Variants in DLGAP2 observed in about 807,000 individuals in gnomAD.
DLGAP2 encodes the protein disks large-associated protein 2.
DLGAP2 carries 26 observed loss-of-function variants against 100.3 expected under a neutral mutation model. The ratio of observed to expected loss-of-function variants is 0.26; its 90% CI spans 0.19 to 0.36. The LOEUF is 0.36. Among genes scored for constraint, DLGAP2 ranks in the 10% least tolerant of loss-of-function variants. The pLI is 1.00. For synonymous variants in DLGAP2, 886 were observed against 630.1 expected (o/e 1.41, Z -6.08); for missense variants, 1,858 against 1,453.2 (o/e 1.28, Z -4.53).
At chr8:1,639,801 C>T (rs1797854654) in intron 8 of DLGAP2, among the ~76,000 whole-genome samples, 1 of 152,210 alleles carries the variant, frequency 6.6e-6, no homozygotes. Flanking sequence ...TGGCTGCGGG[C>T]CACATGGCTC....
intron 1 of DLGAP2, among the ~76,000 whole-genome samples, chr8:894,188 C>T (rs1378173352): frequency 1.3e-5 from 2 of 152,110 alleles, no homozygotes; most frequent in Non-Finnish European, 2.9e-5. Context: ...TGGGAGACGC[C>T]CCCAGAGCAG....
At chr8:823,443 C>T (rs918929854) in intron 1 of DLGAP2, among the ~76,000 whole-genome samples, 3 of 152,110 alleles carry the variant, frequency 2.0e-5, no homozygotes, top group African/African-American at 7.2e-5. Context: ...CTTATTTGTA[C>T]TGTGAATTAG....
rs1799137817 is a variant in DLGAP2 at position 1,254,888 on chromosome 8, C to CGTGCTGTGTGTGTGCTCTCTCCTGCCCGG, written c.74-3954_74-3953insGTGTGCTCTCTCCTGCCCGGGTGCTGTGT. On this transcript the variant is annotated intron_variant, in intron 2 of 14. Coordinates refer to ENST00000637795, the MANE Select transcript of DLGAP2 (RefSeq NM_001346810.2). Reference sequence around the variant, plus strand: ...CCTCTCATCCTGCCTCTCCTGCCCGCGTGCTGTGTCTGTGCTCTCTCCTGC... The same window carrying CGTGCTGTGTGTGTGCTCTCTCCTGCCCGG: ...CCTCTCATCCTGCCTCTCCTGCCCGCGTGCTGTGTGTGTGCTCTCTCCTGCCCGGGTGCTGTGTCTGTGCTCTCTCCTGC... 3.9e-5 allele frequency among the ~76,000 whole-genome samples: 5 copies of CGTGCTGTGTGTGTGCTCTCTCCTGCCCGG among 128,832 alleles called. 1 individual carries two copies. Among genetic ancestry groups the CGTGCTGTGTGTGTGCTCTCTCCTGCCCGG allele is most frequent in the African/African-American group, 1.8e-4 (5 of 27,644 alleles). 84.5% of individuals were successfully genotyped at this position (128,832 alleles called of 152,430 possible).
In DLGAP2 at chr8:1,515,583, C is replaced by T. The variant is rs542991417; in HGVS notation, c.172+14152C>T. ...GCAGACATGAAAATACAATTGCAGACATGCAAAAATATGCAGACACACGTG... is the reference window on the plus strand; with the variant it reads ...GCAGACATGAAAATACAATTGCAGATATGCAAAAATATGCAGACACACGTG... On this transcript the variant is annotated intron_variant, in intron 4 of 14. Coordinates refer to ENST00000637795, the MANE Select transcript of DLGAP2 (RefSeq NM_001346810.2). 1.1e-4 allele frequency among the ~76,000 whole-genome samples: 16 copies of T among 152,240 alleles called. 1 individual carries two copies. Among genetic ancestry groups the T allele is most frequent in the Non-Finnish European group, 1.5e-4 (10 of 68,014 alleles).
chr8:1,126,858 A>G (rs1796176750), intron 2 of DLGAP2, among the ~76,000 whole-genome samples: 1 of 151,980 alleles, frequency 6.6e-6, no homozygotes, highest in Non-Finnish European at 1.5e-5. Flanking sequence ...GAGGGGCCTC[A>G]CTGGATTGTC....
chr8:1,325,514 A>T (rs1008927283), intron 3 of DLGAP2, among the ~76,000 whole-genome samples: 5 of 152,128 alleles, frequency 3.3e-5, no homozygotes, highest in African/African-American at 1.2e-4. Context: ...TCTGTAAAAA[A>T]CTTTGTACGC....
chr8:1,449,382 G>A (rs1335871513), intron 3 of DLGAP2, among the ~76,000 whole-genome samples: 2 of 152,206 alleles, frequency 1.3e-5, no homozygotes, highest in East Asian at 3.9e-4. Context: ...AATTCTCTCA[G>A]AGTTGTCTTG....
chr8:1,105,371 G>T (rs1474270519), intron 2 of DLGAP2, among the ~76,000 whole-genome samples: 1 of 152,192 alleles, frequency 6.6e-6, no homozygotes, highest in Non-Finnish European at 1.5e-5. Flanking sequence ...CCTGAAGGAG[G>T]AGATAGTGCT....
chr8:1,291,994 G>T (rs1235582285), intron 3 of DLGAP2, among the ~76,000 whole-genome samples: 1 of 152,226 alleles, frequency 6.6e-6, no homozygotes, highest in Non-Finnish European at 1.5e-5. Flanking sequence ...TTTCAATAAA[G>T]ATGTGGAAAG....
chr8:931,548 ATGT>A (rs1798957212), intron 2 of DLGAP2, among the ~76,000 whole-genome samples: 1 of 152,130 alleles, frequency 6.6e-6, no homozygotes, highest in South Asian at 2.1e-4. Flanking sequence ...ACTTGTCATG[ATGT>A]TCTTCCTGCA....
At chr8:836,982 GTTC>G (rs1796890383) in intron 1 of DLGAP2, among the ~76,000 whole-genome samples, 1 of 152,194 alleles carries the variant, frequency 6.6e-6, no homozygotes, top group Non-Finnish European at 1.5e-5. Context: ...GGAAAACAAT[GTTC>G]TTCTCTTACT....
intron 1 of DLGAP2, among the ~76,000 whole-genome samples, chr8:852,912 A>AT (rs140286417): frequency 6.6e-6 from 1 of 152,266 alleles, no homozygotes; most frequent in East Asian, 1.9e-4. Flanking sequence ...TTTCTGCAAC[A>AT]GATTTTGGTA....
Position 1,563,948 on chromosome 8 carries a change from C to A in DLGAP2, c.1231-1735C>A, listed in dbSNP as rs115383633. Among the ~76,000 whole-genome samples, 6 of 152,144 alleles carry A rather than the reference C, an allele frequency of 3.9e-5. No individual in the cohort carries two copies. In the South Asian group the frequency reaches 1.0e-3, roughly 26 times the overall value. Reference sequence around the variant, plus strand: ...TATTTTACAGCAAGGAAAAAAAATACCCTGTCTGAAGACCTTTTAAATATG... The same window carrying A: ...TATTTTACAGCAAGGAAAAAAAATAACCTGTCTGAAGACCTTTTAAATATG... On this transcript the variant is annotated intron_variant, in intron 5 of 14. Transcript: ENST00000637795.
chr8:1,444,305 A>C (rs1423655610), intron 3 of DLGAP2, among the ~76,000 whole-genome samples: 1 of 152,308 alleles, frequency 6.6e-6, no homozygotes, highest in Admixed American at 6.5e-5. Context: ...AACCAACTCC[A>C]TATTAATGGG....
intron 2 of DLGAP2, among the ~76,000 whole-genome samples, chr8:1,239,856 TTC>T (rs1798745098): frequency 4.7e-5 from 3 of 63,546 alleles, no homozygotes; most frequent in African/African-American, 7.1e-5. Context: ...TCATGTCTAG[TTC>T]TCTCTCACAT....
chr8:1,274,881 G>A (rs988886180), intron 3 of DLGAP2, among the ~76,000 whole-genome samples: 36 of 152,028 alleles, frequency 2.4e-4, no homozygotes, highest in African/African-American at 8.5e-4. Context: ...TCCTTCGGTA[G>A]CAATTACTTT....
intron 3 of DLGAP2, among the ~76,000 whole-genome samples, chr8:1,417,159 A>AGGCGGGG (rs1563133699): frequency 7.8e-5 from 6 of 77,224 alleles, no homozygotes; most frequent in East Asian, 4.9e-4. Context: ...ACTCTGAGTG[A>AGGCGGGG]AGGGGAAGCC....
At chr8:1,178,025 C>T (rs548508255) in intron 2 of DLGAP2, among the ~76,000 whole-genome samples, 5 of 152,272 alleles carry the variant, frequency 3.3e-5, no homozygotes, top group Non-Finnish European at 2.9e-5. Flanking sequence ...TGAAGGGATT[C>T]GGCCATGGCC....
chr8:1,613,247 A>G (rs1330525320), intron 6 of DLGAP2, among the ~76,000 whole-genome samples: 2 of 144,824 alleles, frequency 1.4e-5, no homozygotes, highest in African/African-American at 5.2e-5. Context: ...TTGTAGGGAC[A>G]TGGATGAAAT....
Sources: allele counts gnomAD v4.1 joint callset (sites outside exome capture counted in the v4.1 genomes callset), GRCh38; gene constraint gnomAD v4.1.1; transcripts MANE v1.5; gene names NCBI Gene and HGNC (gene_info 2026-07-23, HGNC 2026-07-21).